ZCCHC7: variants seen among roughly 807,000 people sequenced by gnomAD.
ZCCHC7 encodes the protein zinc finger CCHC-type containing 7.
In ZCCHC7, 35 loss-of-function variants were observed where a neutral mutation model predicts 52.0. The observed-to-expected ratio is 0.67, with a 90% confidence interval of 0.51 to 0.89. The LOEUF (loss-of-function observed/expected upper bound fraction) is 0.89, where lower values mean the gene tolerates loss of function less well. ZCCHC7 is among the 40% of genes least tolerant of loss of function. The pLI is 0.00. For missense variants in ZCCHC7, 574 were observed against 649.1 expected (o/e 0.88, Z 1.26); for synonymous variants, 217 against 221.5 (o/e 0.98, Z 0.18).
chr9:37,199,694 GTCTGTCTT>G (rs1564174214), intron 2 of ZCCHC7, among the ~76,000 whole-genome samples: 85 of 71,240 alleles, frequency 1.2e-3, no homozygotes, highest in African/African-American at 4.0e-3. Flanking sequence ...CTGTCTTTCT[GTCTGTCTT>G]TCTTTCTGTC....
intron 1 of ZCCHC7, 78 bp from the exon 2 acceptor site, chr9:37,126,234 G>C: frequency 7.5e-7 from 1 of 1,328,406 alleles, no homozygotes; most frequent in South Asian, 1.4e-5. Context: ...AGTTGTCACT[G>C]ACAGGTGATA....
intron 5 of ZCCHC7, among the ~76,000 whole-genome samples, chr9:37,315,436 A>C (rs1011269134): frequency 1.0e-5 from 1 of 95,908 alleles, no homozygotes; most frequent in Non-Finnish European, 2.2e-5. Context: ...CTTGATAAAA[A>C]AAATCATAAG....
At chr9:37,231,686 T>G (rs1825415937) in intron 2 of ZCCHC7, among the ~76,000 whole-genome samples, 1 of 152,198 alleles carries the variant, frequency 6.6e-6, no homozygotes, top group Non-Finnish European at 1.5e-5. Flanking sequence ...TGTTGAAAGC[T>G]TCCTATCACA....
intron 2 of ZCCHC7, among the ~76,000 whole-genome samples, chr9:37,251,850 T>C (rs1044244586): frequency 2.0e-5 from 3 of 152,218 alleles, no homozygotes; most frequent in African/African-American, 7.2e-5. Flanking sequence ...GGCTGTGCCA[T>C]TGAAAATGTT....
At chr9:37,223,637 A>C (rs990147753) in intron 2 of ZCCHC7, among the ~76,000 whole-genome samples, 1 of 152,142 alleles carries the variant, frequency 6.6e-6, no homozygotes, top group Non-Finnish European at 1.5e-5. Context: ...TAAGATGACA[A>C]ATCTTACGTT....
At chr9:37,279,173 TC>T (rs2133556612) in intron 2 of ZCCHC7, among the ~76,000 whole-genome samples, 1 of 152,154 alleles carries the variant, frequency 6.6e-6, no homozygotes, top group East Asian at 1.9e-4. Flanking sequence ...TATTTTATCC[TC>T]TTTATTTGTT....
intron 5 of ZCCHC7, among the ~76,000 whole-genome samples, chr9:37,311,085 TA>T (rs2133748892): frequency 6.6e-6 from 1 of 152,020 alleles, no homozygotes; most frequent in South Asian, 2.1e-4. Context: ...AAGAAAGCAG[TA>T]TAGAATGTTG....
At chr9:37,169,611 T>G (rs1821618824) in intron 2 of ZCCHC7, among the ~76,000 whole-genome samples, 1 of 152,264 alleles carries the variant, frequency 6.6e-6, no homozygotes, top group African/African-American at 2.4e-5. Flanking sequence ...AAGATAAATT[T>G]GCTATTTTCT....
chr9:37,303,561 A>ACAT (rs1200214708), intron 3 of ZCCHC7, among the ~76,000 whole-genome samples: 1 of 150,560 alleles, frequency 6.6e-6, no homozygotes, highest in Non-Finnish European at 1.5e-5. Context: ...AAAAAAAATC[A>ACAT]CATGGAGAAG....
At chr9:37,273,581 T>C (rs886322600) in intron 2 of ZCCHC7, among the ~76,000 whole-genome samples, 1 of 152,208 alleles carries the variant, frequency 6.6e-6, no homozygotes, top group Non-Finnish European at 1.5e-5. Flanking sequence ...TTAGATCTCC[T>C]CAGCAAGGGT....
chr9:37,136,448 C>T (rs753104841), intron 2 of ZCCHC7, among the ~76,000 whole-genome samples: 1 of 151,906 alleles, frequency 6.6e-6, no homozygotes, highest in Non-Finnish European at 1.5e-5. Context: ...GTCTCTCTCC[C>T]ACCCCACCCC....
In ZCCHC7 at chr9:37,254,419, C is replaced by T. The variant is rs1826474067; in HGVS notation, c.611-47769C>T. 5.3e-5 allele frequency among the ~76,000 whole-genome samples: 8 copies of T among 151,936 alleles called. No individual in the cohort carries two copies. The South Asian group carries it at 1.2e-3, about 24-fold the overall frequency. The stretch of plus-strand genomic sequence containing the variant: ...TAACCCTTTATATTGGTTTGAATCT[C>T]ATCTGGGATAATTGAGAAGGCTCAT... On this transcript the variant is annotated intron_variant, in intron 2 of 8. Transcript: ENST00000336755.
chr9:37,331,848 G>C (rs1830461676), intron 6 of ZCCHC7, among the ~76,000 whole-genome samples: 1 of 151,378 alleles, frequency 6.6e-6, no homozygotes, highest in African/African-American at 2.4e-5. Flanking sequence ...TCAAGTGATA[G>C]GTCTGTTTTT....
chr9:37,233,059 GATTCCTATAGGTAAGGT>G (rs1196788054), intron 2 of ZCCHC7, among the ~76,000 whole-genome samples: 1 of 152,124 alleles, frequency 6.6e-6, no homozygotes, highest in Non-Finnish European at 1.5e-5. Context: ...AATGTTAATG[GATTCCTATAGGTAAGGT>G]ATCCCAAGGA....
At chr9:37,293,323 G>A (rs1430100761) in intron 2 of ZCCHC7, among the ~76,000 whole-genome samples, 4 of 151,956 alleles carry the variant, frequency 2.6e-5, no homozygotes, top group Non-Finnish European at 5.9e-5. Context: ...AGACACTGGA[G>A]AAAAAAAGGA....
intron 2 of ZCCHC7, among the ~76,000 whole-genome samples, chr9:37,286,837 G>A (rs1235515250): frequency 9.6e-5 from 1 of 10,404 alleles, no homozygotes; most frequent in African/African-American, 4.9e-4. Flanking sequence ...TGCTTCCCTC[G>A]GTCCCTCCCT....
chr9:37,199,480 C>T (rs1431990622), intron 2 of ZCCHC7, among the ~76,000 whole-genome samples: 3 of 151,214 alleles, frequency 2.0e-5, no homozygotes, highest in African/African-American at 7.3e-5. Flanking sequence ...TATAGGCATA[C>T]ACCACCACGC....
intron 2 of ZCCHC7, among the ~76,000 whole-genome samples, chr9:37,261,319 A>G (rs1487076245): frequency 6.6e-6 from 1 of 152,164 alleles, no homozygotes; most frequent in East Asian, 1.9e-4. Context: ...ATGTATATGA[A>G]AGGTAAAGAC....
chr9:37,157,286 C>T (rs765246999), intron 2 of ZCCHC7, among the ~76,000 whole-genome samples: 6 of 151,346 alleles, frequency 4.0e-5, no homozygotes, highest in Admixed American at 6.6e-5. Context: ...GACTTGAGCC[C>T]AGGCGTTTGA....
Sources: allele counts gnomAD v4.1 joint callset (sites outside exome capture counted in the v4.1 genomes callset), GRCh38; gene constraint gnomAD v4.1.1; transcripts MANE v1.5; gene names NCBI Gene and HGNC (gene_info 2026-07-23, HGNC 2026-07-21).